RHOBTB1: variants seen among roughly 807,000 people sequenced by gnomAD.
RHOBTB1 encodes rho-related BTB domain-containing protein 1.
In RHOBTB1, 40 loss-of-function variants were observed where a neutral mutation model predicts 71.6. That is an observed-to-expected ratio of 0.56 (90% CI 0.43 to 0.73). The LOEUF (loss-of-function observed/expected upper bound fraction) is 0.73, where lower values mean the gene tolerates loss of function less well. Among genes scored for constraint, RHOBTB1 ranks in the 30% least tolerant of loss-of-function variants. The pLI is 0.00. For synonymous variants in RHOBTB1, 319 were observed against 334.9 expected (o/e 0.95, Z 0.52); for missense variants, 797 against 894.0 (o/e 0.89, Z 1.38).
At chr10:60,949,084 A>G (rs748264185), upstream of RHOBTB1, among the ~76,000 whole-genome samples, 8 of 152,192 alleles carry the variant, frequency 5.3e-5, no homozygotes, top group South Asian at 1.2e-3. Flanking sequence ...GAGGCTCTTC[A>G]TTAATGCTAA....
chr10:60,942,962 C>T (rs578032052), intron 1 of RHOBTB1, among the ~76,000 whole-genome samples: 16 of 151,996 alleles, frequency 1.1e-4, no homozygotes, highest in African/African-American at 3.9e-4. Flanking sequence ...AGCTGAGCGT[C>T]TGGCTGGAGT....
intron 2 of RHOBTB1, among the ~76,000 whole-genome samples, chr10:60,968,260 G>A (rs1440046580): frequency 6.6e-6 from 1 of 152,140 alleles, no homozygotes; most frequent in Non-Finnish European, 1.5e-5. Flanking sequence ...ACAGAAAGAT[G>A]ACATGGAAGG....
intron 2 of RHOBTB1, among the ~76,000 whole-genome samples, chr10:60,982,333 G>A (rs192376998): frequency 5.9e-5 from 9 of 152,260 alleles, no homozygotes; most frequent in Admixed American, 2.6e-4. Flanking sequence ...TACTCAGTAC[G>A]GATACCATTT....
chr10:60,902,555 C>T (rs2082460535), intron 4 of RHOBTB1, among the ~76,000 whole-genome samples: 1 of 152,104 alleles, frequency 6.6e-6, no homozygotes, highest in South Asian at 2.1e-4. Context: ...TACTCATTCA[C>T]AAAAGGCATT....
chr10:60,929,394 G>A (rs968155193), intron 2 of RHOBTB1, among the ~76,000 whole-genome samples: 3 of 152,122 alleles, frequency 2.0e-5, no homozygotes, highest in Middle Eastern at 3.4e-3. Context: ...ATATTTATAC[G>A]AAAGCAACAT....
chr10:60,864,877 G>A (rs1414476205), downstream of RHOBTB1, among the ~76,000 whole-genome samples: 2 of 152,136 alleles, frequency 1.3e-5, no homozygotes, highest in Non-Finnish European at 2.9e-5. Context: ...TTTTGCTAGA[G>A]ATGGGGTTTT....
intron 2 of RHOBTB1, among the ~76,000 whole-genome samples, chr10:60,983,427 TA>T (rs2086566542): frequency 6.6e-6 from 1 of 152,210 alleles, no homozygotes; most frequent in South Asian, 2.1e-4. Flanking sequence ...AATCCCATGT[TA>T]AGATGAGAAC....
At chr10:60,868,313 T>A (rs1304182875), downstream of RHOBTB1, among the ~76,000 whole-genome samples, 1 of 152,146 alleles carries the variant, frequency 6.6e-6, no homozygotes, top group Non-Finnish European at 1.5e-5. Flanking sequence ...CATCTATCTA[T>A]CTATCATCTA....
intron 8 of RHOBTB1, 61 bp from the exon 9 acceptor site, chr10:60,875,103 C>T: frequency 3.1e-6 from 4 of 1,277,562 alleles, no homozygotes; most frequent in South Asian, 1.2e-5. Flanking sequence ...AGGTAGCTTG[C>T]CTGGAGGGTT....
chr10:60,871,608 C>T lies in RHOBTB1; in HGVS notation c.1965G>A (p.Trp655Ter), dbSNP rs1257011824. ...YFERHRWPPV[W>*]YLKEEDHYQR... is the part of the protein sequence containing the mutation. ...GGTAGTGATCTTCTTCCTTCAGGTA[C>T]CACACAGGGGGCCAGCGGTGCCGCT... Residue 655 changes from tryptophan to a stop codon, truncating the protein, a stop_gained, in exon 11 of 11, where the codon TGG (tryptophan) becomes TGA (stop). Transcript: ENST00000337910. LOFTEE classifies it high-confidence loss of function. 1 of 1,614,084 alleles carries T rather than the reference C, an allele frequency of 6.2e-7. No individual in the cohort carries two copies. Among genetic ancestry groups the T allele is most frequent in the Non-Finnish European group, 8.5e-7 (1 of 1,179,992 alleles).
At chr10:60,992,849 A>G (rs991561138) in intron 1 of RHOBTB1, among the ~76,000 whole-genome samples, 1 of 152,218 alleles carries the variant, frequency 6.6e-6, no homozygotes, top group African/African-American at 2.4e-5. Flanking sequence ...TAAAGCTGTC[A>G]ATGTGATCCA....
At chr10:60,964,360 A>G (rs2085887084) in intron 2 of RHOBTB1, among the ~76,000 whole-genome samples, 1 of 152,114 alleles carries the variant, frequency 6.6e-6, no homozygotes, top group Admixed American at 6.6e-5. Flanking sequence ...TAGGGGACAC[A>G]TGGAAAATAA....
chr10:60,936,971 T>C (rs2084622559), intron 2 of RHOBTB1, among the ~76,000 whole-genome samples: 1 of 152,218 alleles, frequency 6.6e-6, no homozygotes, highest in Non-Finnish European at 1.5e-5. Context: ...GACATCCATC[T>C]TGCAATATGC....
chr10:61,001,435 C>A (rs1309477971), exon 1 of RHOBTB1: 1 of 151,542 alleles, frequency 6.6e-6, no homozygotes, highest in Non-Finnish European at 1.5e-5. Context: ...GGCTCTGGGT[C>A]CCGCCGGGCG....
At position 60,977,384 on chromosome 10, in the gene RHOBTB1, GCTC is replaced by G. The variant is rs765567057; in HGVS notation, c.-62+8458_-62+8460del. Among the ~76,000 whole-genome samples, 51 of 151,982 alleles carry G rather than the reference GCTC, an allele frequency of 3.4e-4. No individual in the cohort carries two copies. The East Asian group carries it at 5.0e-3, about 15-fold the overall frequency. On this transcript the variant is annotated intron_variant, in intron 2 of 11. Transcript: ENST00000357917. ...ATGTCACTTATGTATGGCTGCTTAT[GCTC>G]CTCCATACAAGCAGCTAAGACAACA...
At chr10:61,000,310 C>A (rs368764044) in intron 1 of RHOBTB1, among the ~76,000 whole-genome samples, 6 of 152,046 alleles carry the variant, frequency 3.9e-5, no homozygotes, top group Non-Finnish European at 8.8e-5. Context: ...CTAAGGCTAG[C>A]GGCCCAAGAA....
intron 7 of RHOBTB1, 100 bp from the exon 8 acceptor site, chr10:60,878,158 T>G: frequency 1.1e-6 from 1 of 877,484 alleles, no homozygotes; most frequent in Non-Finnish European, 1.8e-6. Context: ...GACTTGATAT[T>G]GGTGAGTGTT....
chr10:60,887,639 A>G (rs2081652178), intron 6 of RHOBTB1, among the ~76,000 whole-genome samples: 1 of 152,198 alleles, frequency 6.6e-6, no homozygotes, highest in African/African-American at 2.4e-5. Flanking sequence ...TGAGGACGGA[A>G]AAGGAGAGGG....
the RHOBTB1 span, among the ~76,000 whole-genome samples, chr10:60,864,357 C>T: frequency 1.3e-5 from 2 of 152,172 alleles, no homozygotes; most frequent in Non-Finnish European, 2.9e-5. Context: ...ATGAGTCTCA[C>T]ATCAGTTTTT....
Sources: gnomAD v4.1 joint callset for allele counts (sites outside exome capture counted in the v4.1 genomes callset) on GRCh38, gnomAD v4.1.1 for gene constraint, MANE v1.5 for transcripts, NCBI Gene and HGNC (gene_info 2026-07-23, HGNC 2026-07-21) for gene names.